Variants in DLEU7 observed in about 807,000 individuals in gnomAD.
DLEU7 encodes the protein leukemia-associated protein 7.
DLEU7 carries 17 observed loss-of-function variants against 16.0 expected under a neutral mutation model. The observed-to-expected ratio is 1.06, with a 90% CI of 0.73 to 1.59. DLEU7 has a LOEUF of 1.59. Ranked by LOEUF, DLEU7 falls within the 40% of genes most tolerant of loss-of-function variation. The pLI is 0.00. For synonymous variants in DLEU7, 113 were observed against 139.8 expected (o/e 0.81, Z 1.35); for missense variants, 308 against 314.9 (o/e 0.98, Z 0.17).
intron 1 of DLEU7, among the ~76,000 whole-genome samples, chr13:50,738,890 G>A (rs1027355700): frequency 6.6e-6 from 1 of 151,492 alleles, no homozygotes; most frequent in Non-Finnish European, 1.5e-5. Flanking sequence ...CAAGTTCTTA[G>A]GTGATCTGGT....
intron 1 of DLEU7, among the ~76,000 whole-genome samples, chr13:50,824,227 AAAG>A (rs1318910979): frequency 6.6e-6 from 1 of 152,212 alleles, no homozygotes; most frequent in Non-Finnish European, 1.5e-5. Context: ...AGGTAGTTTA[AAAG>A]AAGGAGGTAA....
At chr13:50,822,728 A>G (rs1438534712), downstream of DLEU7, 2 of 985,354 alleles carry the variant, frequency 2.0e-6, no homozygotes, top group African/African-American at 1.7e-5. Context: ...AAATTAGTAT[A>G]TAAAAGCACA....
chr13:50,800,601 T>TC, intron 1 of DLEU7, among the ~76,000 whole-genome samples: 1 of 152,238 alleles, frequency 6.6e-6, no homozygotes, highest in African/African-American at 2.4e-5. Context: ...TCAGGGGTTT[T>TC]CCCGCACATT....
intron 1 of DLEU7, among the ~76,000 whole-genome samples, chr13:50,749,224 C>T (rs1014436132): frequency 6.6e-6 from 1 of 152,154 alleles, no homozygotes; most frequent in Admixed American, 6.5e-5. Flanking sequence ...TTAATTCATT[C>T]CTTTTTATGG....
intron 1 of DLEU7, among the ~76,000 whole-genome samples, chr13:50,790,756 C>T (rs111402947): frequency 0.022 from 3,335 of 152,202 alleles, 68 homozygotes; most frequent in Middle Eastern, 0.048. Flanking sequence ...CCAGGTGAGA[C>T]AATAGAAGCC....
chr13:50,767,516 G>A (rs1396748632), intron 1 of DLEU7, among the ~76,000 whole-genome samples: 1 of 148,800 alleles, frequency 6.7e-6, no homozygotes, highest in African/African-American at 2.5e-5. Flanking sequence ...TTCATGGTAA[G>A]CTCAGGCTTA....
At chr13:50,793,146 C>A (rs1876012712) in intron 1 of DLEU7, among the ~76,000 whole-genome samples, 1 of 151,988 alleles carries the variant, frequency 6.6e-6, no homozygotes. Flanking sequence ...TTTTTGCTTC[C>A]ACATTAATTC....
At chr13:50,790,713 C>A (rs976662948) in intron 1 of DLEU7, among the ~76,000 whole-genome samples, 3 of 152,046 alleles carry the variant, frequency 2.0e-5, no homozygotes, top group African/African-American at 7.2e-5. Context: ...CTGTTCAACC[C>A]AATGCTGTAT....
chr13:50,717,153 G>A (rs941266896), intron 1 of DLEU7, among the ~76,000 whole-genome samples: 1 of 152,318 alleles, frequency 6.6e-6, no homozygotes. Context: ...CACAGAACTT[G>A]GCACACAGTG....
chr13:50,776,599 T>C (rs561267923), intron 1 of DLEU7, among the ~76,000 whole-genome samples: 20 of 152,328 alleles, frequency 1.3e-4, no homozygotes, highest in African/African-American at 4.3e-4. Flanking sequence ...TAAATAGTCA[T>C]TATAACCCAA....
intron 1 of DLEU7, among the ~76,000 whole-genome samples, chr13:50,833,789 A>G (rs150993842): frequency 0.013 from 1,938 of 152,310 alleles, 39 homozygotes; most frequent in African/African-American, 0.044. Context: ...ACTTCAAACT[A>G]TACTACAAGG....
intron 1 of DLEU7, among the ~76,000 whole-genome samples, chr13:50,751,156 G>A (rs949812987): frequency 1.3e-5 from 2 of 152,138 alleles, no homozygotes; most frequent in Non-Finnish European, 2.9e-5. Context: ...GCTGGATTTT[G>A]CCAAAAGCTT....
chr13:50,770,868 G>C (rs1367404842), intron 1 of DLEU7, among the ~76,000 whole-genome samples: 1 of 152,110 alleles, frequency 6.6e-6, no homozygotes, highest in African/African-American at 2.4e-5. Flanking sequence ...TATACCTCTG[G>C]TAAAATTTGG....
At chr13:50,752,572 CAG>C (rs1182274961) in intron 1 of DLEU7, among the ~76,000 whole-genome samples, 1 of 152,112 alleles carries the variant, frequency 6.6e-6, no homozygotes, top group South Asian at 2.1e-4. Context: ...CGGATGTGTT[CAG>C]AGTTTCTTCC....
At chr13:50,808,998 G>T (rs964312594) in intron 1 of DLEU7, among the ~76,000 whole-genome samples, 1 of 152,006 alleles carries the variant, frequency 6.6e-6, no homozygotes, top group Non-Finnish European at 1.5e-5. Context: ...AAATCATTGC[G>T]TTGAGGACAT....
At chr13:50,809,528 G>A (rs1384327737) in intron 1 of DLEU7, among the ~76,000 whole-genome samples, 2 of 152,112 alleles carry the variant, frequency 1.3e-5, no homozygotes, top group African/African-American at 2.4e-5. Flanking sequence ...TCAACTGCCT[G>A]AGGGGTTGAG....
At chr13:50,721,224 G>C (rs572762495) in intron 1 of DLEU7, among the ~76,000 whole-genome samples, 1 of 152,108 alleles carries the variant, frequency 6.6e-6, no homozygotes, top group Non-Finnish European at 1.5e-5. Flanking sequence ...TTGGACTCTC[G>C]CACTTAGACC....
At chr13:50,742,715 A>T (rs74979112) in intron 1 of DLEU7, among the ~76,000 whole-genome samples, 6,932 of 152,252 alleles carry the variant, frequency 0.046, 497 homozygotes, top group African/African-American at 0.15. Context: ...GTAAAGGGCC[A>T]GATAGGAAAT....
intron 1 of DLEU7, among the ~76,000 whole-genome samples, chr13:50,778,546 A>G (rs1354556952): frequency 6.6e-6 from 1 of 152,252 alleles, no homozygotes; most frequent in African/African-American, 2.4e-5. Context: ...GGGAACTTAA[A>G]AATAAAAATG....
Sources: gnomAD v4.1 joint callset for allele counts (sites outside exome capture counted in the v4.1 genomes callset) on GRCh38, gnomAD v4.1.1 for gene constraint, MANE v1.5 for transcripts, NCBI Gene and HGNC (gene_info 2026-07-23, HGNC 2026-07-21) for gene names.